Variants in HDAC8 observed in about 807,000 individuals in gnomAD.
HDAC8 encodes the protein histone deacetylase-like 1.
Under a neutral mutation model 32.2 loss-of-function variants are expected in HDAC8, and 1 was observed. That is an observed-to-expected ratio of 0.03 (90% CI 0.01 to 0.15). The LOEUF is 0.15. Among genes scored for constraint, HDAC8 ranks in the 10% least tolerant of loss-of-function variants. The pLI is 1.00. For missense variants in HDAC8, 117 were observed against 300.0 expected, an observed-to-expected ratio of 0.39 and a Z score of 4.51; for synonymous variants, 108 against 113.9, an observed-to-expected ratio of 0.95 and a Z score of 0.33.
intron 4 of HDAC8, among the ~76,000 whole-genome samples, chrX:72,550,700 C>T (rs2051037975): frequency 9.0e-6 from 1 of 111,730 alleles, no homozygotes; most frequent in South Asian, 3.8e-4. Flanking sequence ...CTGAAATAGG[C>T]AGATCTTATT....
At chrX:72,387,988 T>A (rs1386548803) in intron 9 of HDAC8, among the ~76,000 whole-genome samples, 4 of 109,846 alleles carry the variant, frequency 3.6e-5, no homozygotes, top group African/African-American at 1.3e-4. Context: ...ACAGATGACA[T>A]GGGGATTGGA....
chrX:72,360,304 G>A (rs528493451), intron 9 of HDAC8, among the ~76,000 whole-genome samples: 1 of 108,837 alleles, frequency 9.2e-6, no homozygotes. Context: ...GCAGTGAGCC[G>A]AGATTGCACC....
intron 2 of HDAC8, 104 bp from the exon 3 acceptor site, chrX:72,568,988 C>A: frequency 1.2e-6 from 1 of 848,502 alleles, no homozygotes; most frequent in South Asian, 2.6e-5. Context: ...TACGTCTCAA[C>A]TTCTGGTTCC....
At chrX:72,554,616 C>T (rs1263642215) in intron 4 of HDAC8, among the ~76,000 whole-genome samples, 4 of 111,836 alleles carry the variant, frequency 3.6e-5, no homozygotes, top group African/African-American at 9.8e-5. Flanking sequence ...GCCGGCTTTC[C>T]CTCACTTTCC....
At chrX:72,460,223 A>C (rs934647373) in intron 9 of HDAC8, among the ~76,000 whole-genome samples, 2 of 110,350 alleles carry the variant, frequency 1.8e-5, no homozygotes, top group African/African-American at 6.6e-5. Flanking sequence ...TGCAACCTCC[A>C]CCTTCCGGGT....
At chrX:72,507,340 C>T (rs1390599525) in intron 4 of HDAC8, among the ~76,000 whole-genome samples, 2 of 111,797 alleles carry the variant, frequency 1.8e-5, no homozygotes, top group African/African-American at 6.5e-5. Flanking sequence ...TTATGTTCTC[C>T]TCTGAGTGGC....
At chrX:72,337,605 C>G (rs186457359) in intron 10 of HDAC8, among the ~76,000 whole-genome samples, 1 of 111,172 alleles carries the variant, frequency 9.0e-6, no homozygotes, top group Non-Finnish European at 1.9e-5. Flanking sequence ...TATTCTTACC[C>G]TTTATGTGGA....
At chrX:72,472,458 C>T (rs782440924) in intron 7 of HDAC8, among the ~76,000 whole-genome samples, 3 of 111,778 alleles carry the variant, frequency 2.7e-5, no homozygotes, top group African/African-American at 9.7e-5. Context: ...GGTCTTGGCC[C>T]CTTTGTGTAA....
chrX:72,346,560 C>A (rs1555946967), intron 10 of HDAC8, among the ~76,000 whole-genome samples: 2 of 112,068 alleles, frequency 1.8e-5, no homozygotes. Flanking sequence ...TTATACGCAG[C>A]ACAATGGTTC....
chrX:72,412,186 A>G (rs2046214850), intron 9 of HDAC8, among the ~76,000 whole-genome samples: 1 of 111,799 alleles, frequency 8.9e-6, no homozygotes, highest in South Asian at 3.7e-4. Context: ...TAAGAGTAGG[A>G]CGGAAAGCAA....
chrX:72,457,620 A>G (rs1165847930), intron 9 of HDAC8, among the ~76,000 whole-genome samples: 1 of 112,428 alleles, frequency 8.9e-6, no homozygotes, highest in African/African-American at 3.2e-5. Context: ...AATGAAATAC[A>G]GTACTTAGGG....
intron 4 of HDAC8, 116 bp from the exon 5 acceptor site, chrX:72,495,384 A>G (rs1274414012): frequency 4.7e-6 from 2 of 429,932 alleles, no homozygotes; most frequent in Non-Finnish European, 8.0e-6. Flanking sequence ...TCTTTTAAGA[A>G]AAACAGAAAT....
chrX:72,482,135 A>G (rs1556003440), intron 7 of HDAC8, among the ~76,000 whole-genome samples: 1 of 111,677 alleles, frequency 9.0e-6, no homozygotes, highest in African/African-American at 3.3e-5. Flanking sequence ...CTTAGCATGG[A>G]TGGAGAATCT....
intron 9 of HDAC8, among the ~76,000 whole-genome samples, chrX:72,447,388 C>G (rs971984292): frequency 9.0e-6 from 1 of 111,730 alleles, no homozygotes; most frequent in Non-Finnish European, 1.9e-5. Flanking sequence ...AATTCAACAC[C>G]CCTTCATGCT....
At chrX:72,331,676 G>A (rs1391353484) in intron 10 of HDAC8, among the ~76,000 whole-genome samples, 2 of 110,752 alleles carry the variant, frequency 1.8e-5, no homozygotes, top group African/African-American at 6.6e-5. Flanking sequence ...CCTTCCCCAG[G>A]TTTCCCCACA....
chrX:72,422,341 C>G (rs1261136431), intron 9 of HDAC8, among the ~76,000 whole-genome samples: 1 of 111,157 alleles, frequency 9.0e-6, no homozygotes, highest in African/African-American at 3.3e-5. Context: ...GTCCCTTAGG[C>G]TCTGCTAATT....
intron 7 of HDAC8, chrX:72,480,329 A>AT (rs2048458713): frequency 3.1e-6 from 1 of 326,183 alleles, no homozygotes; most frequent in Non-Finnish European, 5.9e-6. Context: ...TTTGTAAAGA[A>AT]TTTTTTATCA....
intron 9 of HDAC8, among the ~76,000 whole-genome samples, chrX:72,413,011 C>T (rs1275860178): frequency 3.6e-5 from 4 of 111,242 alleles, no homozygotes; most frequent in Non-Finnish European, 5.7e-5. Flanking sequence ...GCAAGTTTAT[C>T]GGGTACCTAG....
intron 9 of HDAC8, among the ~76,000 whole-genome samples, chrX:72,436,868 T>C (rs782632360): frequency 7.1e-5 from 8 of 112,143 alleles, no homozygotes; most frequent in Non-Finnish European, 1.5e-4. Context: ...GAAATGTTGA[T>C]ACTAGTAGAC....
Sources: allele counts gnomAD v4.1 joint callset (sites outside exome capture counted in the v4.1 genomes callset), GRCh38; gene constraint gnomAD v4.1.1; transcripts MANE v1.5; gene names NCBI Gene and HGNC (gene_info 2026-07-23, HGNC 2026-07-21).